The following PPA2 variants were observed in gnomAD, a reference collection of about 807,000 sequenced individuals.
The protein encoded by PPA2 is inorganic pyrophosphatase 2, mitochondrial.
PPA2 carries 48 observed loss-of-function variants against 49.5 expected under a neutral mutation model. That is an observed-to-expected ratio of 0.97 (90% CI 0.77 to 1.23). The LOEUF (loss-of-function observed/expected upper bound fraction) is 1.23, where lower values mean the gene tolerates loss of function less well. PPA2 is among the 50% of genes most tolerant of loss of function. The pLI is 0.00. For synonymous variants in PPA2, 131 were observed against 139.9 expected, an observed-to-expected ratio of 0.94 and a Z score of 0.45; for missense variants, 429 against 410.1, an observed-to-expected ratio of 1.05 and a Z score of -0.40.
At chr4:105,393,575 TA>T (rs1317897299) in intron 9 of PPA2, among the ~76,000 whole-genome samples, 3 of 149,512 alleles carry the variant, frequency 2.0e-5, no homozygotes, top group Non-Finnish European at 3.0e-5. Context: ...CAGAATCACA[TA>T]GGGGGCTTTA....
At chr4:105,374,155 T>C (rs1220103380) in intron 10 of PPA2, among the ~76,000 whole-genome samples, 1 of 152,238 alleles carries the variant, frequency 6.6e-6, no homozygotes, top group Non-Finnish European at 1.5e-5. Context: ...TTTAATGTAA[T>C]TACTTACCTC....
chr4:105,455,780 G>A (rs1722852449), intron 2 of PPA2, among the ~76,000 whole-genome samples: 1 of 152,154 alleles, frequency 6.6e-6, no homozygotes, highest in Non-Finnish European at 1.5e-5. Context: ...TGCATCTGAA[G>A]TAGCCTCCTC....
At chr4:105,410,571 A>G (rs981996314) in intron 7 of PPA2, among the ~76,000 whole-genome samples, 4 of 152,192 alleles carry the variant, frequency 2.6e-5, no homozygotes, top group African/African-American at 9.7e-5. Flanking sequence ...GAACACCACA[A>G]AGATACTCCT....
intron 1 of PPA2, among the ~76,000 whole-genome samples, chr4:105,467,042 T>C (rs1265262910): frequency 6.6e-6 from 1 of 152,216 alleles, no homozygotes; most frequent in African/African-American, 2.4e-5. Flanking sequence ...GGAGACTGCC[T>C]TTCCCTGGTG....
intron 5 of PPA2, among the ~76,000 whole-genome samples, chr4:105,443,444 G>GAAA (rs11351997): frequency 1.9e-5 from 2 of 104,604 alleles, no homozygotes; most frequent in Admixed American, 9.8e-5. Flanking sequence ...CCATCAAGCA[G>GAAA]AAAAAAAAAA....
chr4:105,370,644 A>G, intron 11 of PPA2, 193 bp downstream of exon 11: 1 of 964,226 alleles, frequency 1.0e-6, no homozygotes, highest in Non-Finnish European at 1.2e-6. Context: ...AAAGTAGTTA[A>G]ATGCATTCTC....
intron 4 of PPA2, among the ~76,000 whole-genome samples, chr4:105,447,332 TA>T (rs1209400692): frequency 6.6e-6 from 1 of 152,070 alleles, no homozygotes; most frequent in Non-Finnish European, 1.5e-5. Flanking sequence ...ATGTGGAATC[TA>T]AAAAATTGAA....
intron 1 of PPA2, among the ~76,000 whole-genome samples, chr4:105,468,079 G>C (rs1373130286): frequency 6.6e-6 from 1 of 152,160 alleles, no homozygotes; most frequent in Non-Finnish European, 1.5e-5. Context: ...ACATGGCCTG[G>C]TTTTATTTTT....
chr4:105,399,561 A>T (rs924056502), intron 7 of PPA2: 1 of 155,670 alleles, frequency 6.4e-6, no homozygotes, highest in Non-Finnish European at 1.4e-5. Context: ...AATGTCATAG[A>T]AGAGGGAGTA....
chr4:105,462,378 A>G (rs999648825), intron 1 of PPA2, among the ~76,000 whole-genome samples: 2 of 152,182 alleles, frequency 1.3e-5, no homozygotes, highest in African/African-American at 4.8e-5. Context: ...TAAAACATCT[A>G]TTTTGCTGTT....
intron 6 of PPA2, 30 bp downstream of exon 6, chr4:105,437,920 G>A (rs201997865): frequency 1.6e-5 from 25 of 1,523,444 alleles, no homozygotes; most frequent in African/African-American, 1.6e-4. Flanking sequence ...CAAAACTCAC[G>A]TTAGAATTAA....
At chr4:105,472,946 T>TA (rs1723586736) in intron 1 of PPA2, among the ~76,000 whole-genome samples, 1 of 152,200 alleles carries the variant, frequency 6.6e-6, no homozygotes, top group South Asian at 2.1e-4. Context: ...CTTAGCAACT[T>TA]AAACTCGTCC....
intron 3 of PPA2, among the ~76,000 whole-genome samples, chr4:105,450,704 T>C (rs565603002): frequency 1.4e-5 from 2 of 145,764 alleles, no homozygotes; most frequent in South Asian, 4.5e-4. Flanking sequence ...GCCTCCCGGG[T>C]TCACGCCATT....
At chr4:105,441,555 G>T (rs1724360919) in intron 5 of PPA2, among the ~76,000 whole-genome samples, 1 of 151,792 alleles carries the variant, frequency 6.6e-6, no homozygotes, top group Non-Finnish European at 1.5e-5. Context: ...CTCATAATTT[G>T]ACTAACAGGT....
chr4:105,397,081 A>G (rs1301065094), intron 8 of PPA2, among the ~76,000 whole-genome samples: 1 of 152,220 alleles, frequency 6.6e-6, no homozygotes, highest in Non-Finnish European at 1.5e-5. Context: ...ATAATTCCAA[A>G]GCAGAAAGTT....
chr4:105,377,826 TA>T (rs1265768051), intron 10 of PPA2, among the ~76,000 whole-genome samples: 2 of 152,152 alleles, frequency 1.3e-5, no homozygotes, highest in East Asian at 1.9e-4. Context: ...TTTCACTCAA[TA>T]TTTTTTTTTA....
At chr4:105,422,742 C>T (rs900995370) in intron 7 of PPA2, among the ~76,000 whole-genome samples, 1 of 152,208 alleles carries the variant, frequency 6.6e-6, no homozygotes, top group Non-Finnish European at 1.5e-5. Flanking sequence ...AAGTTAAGAA[C>T]AATATCTACT....
chr4:105,424,435 C>T lies in PPA2; in HGVS notation c.529-113G>A, dbSNP rs995594759. 21 of 951,846 alleles carry T rather than the reference C, an allele frequency of 2.2e-5. No individual in the cohort carries two copies. The African/African-American group carries it at 3.5e-4, about 16-fold the overall frequency. 59.0% of individuals were successfully genotyped at this position (951,846 alleles called of 1,614,324 possible). A position where few individuals can be genotyped will look rare whatever the true frequency, so the allele number is the denominator to read the frequency against. ...TACAGACTGAAATGTAACAAAGCCT[C>T]AATAATTAAAAATAATATGAAAATA... On this transcript the variant is annotated intron_variant, in intron 6 of 11. Transcript: ENST00000341695.
intron 5 of PPA2, among the ~76,000 whole-genome samples, chr4:105,441,114 C>T (rs1351223802): frequency 6.6e-6 from 1 of 152,222 alleles, no homozygotes. Context: ...ATGTGTGTAA[C>T]TATTAACAGA....
Sources: gnomAD v4.1 joint callset for allele counts (sites outside exome capture counted in the v4.1 genomes callset) on GRCh38, gnomAD v4.1.1 for gene constraint, MANE v1.5 for transcripts, NCBI Gene and HGNC (gene_info 2026-07-23, HGNC 2026-07-21) for gene names.